PTPRN2: variants seen among roughly 807,000 people sequenced by gnomAD.
PTPRN2 encodes protein tyrosine phosphatase receptor type N2.
A neutral mutation model predicts 118.8 loss-of-function variants in PTPRN2; 74 were observed. The observed-to-expected ratio is 0.62, with a 90% CI of 0.52 to 0.76. PTPRN2 has a LOEUF of 0.76. PTPRN2 is among the 30% of genes least tolerant of loss of function. The probability of loss-of-function intolerance (pLI) is 0.00; values close to 1 mark genes in which losing one functional copy is unlikely to be tolerated. For synonymous variants in PTPRN2, 641 were observed against 608.0 expected (o/e 1.05, Z -0.80); for missense variants, 1,481 against 1,394.4 (o/e 1.06, Z -0.99).
At chr7:158,097,772 C>A (rs1814757608) in intron 10 of PTPRN2, among the ~76,000 whole-genome samples, 1 of 152,106 alleles carries the variant, frequency 6.6e-6, no homozygotes, top group African/African-American at 2.4e-5. Context: ...TTTTAATGGT[C>A]TCTAATGATG....
intron 14 of PTPRN2, among the ~76,000 whole-genome samples, chr7:157,635,235 C>A (rs17837786): frequency 0.086 from 13,042 of 152,284 alleles, 978 homozygotes; most frequent in African/African-American, 0.2. Flanking sequence ...GCCTGGTACA[C>A]CCTACATGAT....
intron 1 of PTPRN2, among the ~76,000 whole-genome samples, chr7:158,504,699 T>C (rs907641391): frequency 1.3e-5 from 2 of 152,244 alleles, no homozygotes; most frequent in Non-Finnish European, 2.9e-5. Flanking sequence ...AACAATTCCC[T>C]GTCCTTAGTA....
chr7:157,775,495 T>C (rs994642337), intron 12 of PTPRN2, among the ~76,000 whole-genome samples: 3 of 152,226 alleles, frequency 2.0e-5, no homozygotes, highest in Admixed American at 6.5e-5. Flanking sequence ...GTGAGAAGCT[T>C]CCTGAATACA....
chr7:157,778,561 T>A (rs1205687709), intron 12 of PTPRN2, among the ~76,000 whole-genome samples: 1 of 152,100 alleles, frequency 6.6e-6, no homozygotes, highest in African/African-American at 2.4e-5. Flanking sequence ...GATGCCCACA[T>A]ACATGTGCAT....
At chr7:158,170,712 G>A (rs888198312) in intron 5 of PTPRN2, among the ~76,000 whole-genome samples, 14 of 152,282 alleles carry the variant, frequency 9.2e-5, no homozygotes, top group African/African-American at 2.4e-4. Context: ...TGAGAGTTGG[G>A]AACATGGGCA....
At chr7:158,306,704 C>T (rs1801312638) in intron 3 of PTPRN2, among the ~76,000 whole-genome samples, 1 of 152,100 alleles carries the variant, frequency 6.6e-6, no homozygotes, top group Admixed American at 6.5e-5. Context: ...AGTTGCCACA[C>T]TATGTTATTT....
At chr7:158,083,731 C>A (rs535002693) in intron 10 of PTPRN2, among the ~76,000 whole-genome samples, 1 of 152,194 alleles carries the variant, frequency 6.6e-6, no homozygotes, top group Non-Finnish European at 1.5e-5. Flanking sequence ...GGGTACATCT[C>A]GCAGGCGGTG....
chr7:158,435,895 G>C (rs966322711), intron 2 of PTPRN2, among the ~76,000 whole-genome samples: 3 of 152,214 alleles, frequency 2.0e-5, no homozygotes, highest in African/African-American at 7.2e-5. Flanking sequence ...CCAGAGAGAA[G>C]AATGGTGGTT....
rs991455242 is a variant in PTPRN2, at chr7:157,585,290, G to A, written c.2497-7150C>T. The stretch of plus-strand genomic sequence containing the variant: ...CAGTATTGCCGCCCAGGAGGAAGGG[G>A]AAGCCTCAGAACACCAGCAGTATTG... On this transcript the variant is annotated intron_variant, in intron 17 of 22. Coordinates refer to ENST00000389418, the MANE Select transcript of PTPRN2 (RefSeq NM_002847.5). The surrounding 1 kb of genome is among the most constrained non-coding windows in gnomAD (Gnocchi z 5.2). Among the ~76,000 whole-genome samples the A allele has an allele frequency of 6.6e-6, 1 of 152,128 alleles. No homozygotes were observed. Among genetic ancestry groups the A allele is most frequent in the Non-Finnish European group, 1.5e-5 (1 of 68,022 alleles).
intron 7 of PTPRN2, among the ~76,000 whole-genome samples, chr7:158,136,980 T>G (rs1171740567): frequency 2.2e-5 from 3 of 136,032 alleles, no homozygotes; most frequent in African/African-American, 8.6e-5. Flanking sequence ...CAAAGTTAAC[T>G]CACGGCAAAA....
intron 11 of PTPRN2, among the ~76,000 whole-genome samples, chr7:157,957,829 C>T (rs1402511818): frequency 6.6e-6 from 1 of 152,172 alleles, no homozygotes; most frequent in Non-Finnish European, 1.5e-5. Flanking sequence ...GAAGGATTAG[C>T]ACCACTCCTC....
intron 12 of PTPRN2, among the ~76,000 whole-genome samples, chr7:157,797,417 C>A (rs1369528408): frequency 6.6e-6 from 1 of 152,226 alleles, no homozygotes; most frequent in Non-Finnish European, 1.5e-5. Context: ...GAATTTCATC[C>A]CAGCCTCCTG....
chr7:158,063,523 G>A (rs993371712), intron 11 of PTPRN2, among the ~76,000 whole-genome samples: 2 of 152,200 alleles, frequency 1.3e-5, no homozygotes, highest in Non-Finnish European at 2.9e-5. Flanking sequence ...AACCCACTTG[G>A]GTCCCCTTTC....
rs1477926507 is a variant in PTPRN2 at position 157,585,278 on chromosome 7, CA to C, written c.2497-7139del. The stretch of plus-strand genomic sequence containing the variant: ...CTTTTCCACCAGCAGTATTGCCGCC[CA>C]GGAGGAAGGGGAAGCCTCAGAACAC... On this transcript the variant is annotated intron_variant, in intron 17 of 22. Coordinates refer to ENST00000389418, the MANE Select transcript of PTPRN2 (RefSeq NM_002847.5). The surrounding 1 kb of genome is among the most constrained non-coding windows in gnomAD (Gnocchi z 5.2). 5.9e-5 allele frequency among the ~76,000 whole-genome samples: 9 copies of C among 152,116 alleles called. No individual in the cohort carries two copies. Among genetic ancestry groups the C allele is most frequent in the African/African-American group, 2.2e-4 (9 of 41,424 alleles).
intron 6 of PTPRN2, among the ~76,000 whole-genome samples, chr7:158,142,110 T>C (rs1214632485): frequency 6.6e-6 from 1 of 152,192 alleles, no homozygotes; most frequent in East Asian, 1.9e-4. Context: ...CTGCTGACCC[T>C]GGGGGCTGCC....
At chr7:158,353,975 G>A (rs757504863) in intron 2 of PTPRN2, among the ~76,000 whole-genome samples, 38 of 152,188 alleles carry the variant, frequency 2.5e-4, no homozygotes, top group African/African-American at 6.3e-4. Flanking sequence ...TCTGCAACTC[G>A]GCCAAAGGAG....
At chr7:157,916,232 T>C (rs1563235983) in intron 11 of PTPRN2, among the ~76,000 whole-genome samples, 1 of 152,184 alleles carries the variant, frequency 6.6e-6, no homozygotes, top group Non-Finnish European at 1.5e-5. Context: ...CCCAGGTTCT[T>C]CATCTCTAAC....
intron 2 of PTPRN2, among the ~76,000 whole-genome samples, chr7:158,386,430 G>T (rs969011996): frequency 6.8e-6 from 1 of 147,364 alleles, no homozygotes; most frequent in Non-Finnish European, 1.5e-5. Context: ...CCCATGCCCC[G>T]AGTCCCTCCT....
chr7:157,679,656 A>G (rs983156984), intron 13 of PTPRN2, among the ~76,000 whole-genome samples: 8 of 152,210 alleles, frequency 5.3e-5, no homozygotes, highest in African/African-American at 1.2e-4. Context: ...CCAGGAGCAC[A>G]ACGTGGGCCC....
Sources: allele counts gnomAD v4.1 joint callset (sites outside exome capture counted in the v4.1 genomes callset), GRCh38; gene constraint gnomAD v4.1.1; non-coding constraint Gnocchi (gnomAD v3.1); transcripts MANE v1.5; gene names NCBI Gene and HGNC (gene_info 2026-07-23, HGNC 2026-07-21).